The following ZDHHC21 variants were observed in gnomAD, a reference collection of about 807,000 sequenced individuals.
ZDHHC21 encodes palmitoyltransferase ZDHHC21.
In ZDHHC21, 15 loss-of-function variants were observed where a neutral mutation model predicts 34.6. The ratio of observed to expected loss-of-function variants is 0.43; its 90% CI spans 0.29 to 0.67. ZDHHC21 has a LOEUF of 0.67. Ranked by LOEUF, ZDHHC21 falls within the 30% of genes least tolerant of loss-of-function variation. The probability of loss-of-function intolerance (pLI) is 0.14; values close to 1 mark genes in which losing one functional copy is unlikely to be tolerated. For synonymous variants in ZDHHC21, 142 were observed against 101.8 expected, an observed-to-expected ratio of 1.40 and a Z score of -2.38; for missense variants, 344 against 327.7, an observed-to-expected ratio of 1.05 and a Z score of -0.38.
chr9:14,677,357 G>C (rs924464078), intron 3 of ZDHHC21: 1 of 151,962 alleles, frequency 6.6e-6, no homozygotes, highest in African/African-American at 2.4e-5. Flanking sequence ...ACACAAAACA[G>C]TGATCTTCCA....
At position 14,615,607 on chromosome 9, in the gene ZDHHC21, A is replaced by G. The variant is rs573626768; in HGVS notation, c.*3359T>C. ...TTTTAAACTGTAAGTCTGGGTTACA[A>G]AGTACCAACTGCTCTGTAACTGAAT... is the stretch of plus-strand genomic sequence containing the variant. On this transcript the variant is annotated 3_prime_UTR_variant, in exon 10 of 10. Coordinates refer to ENST00000380916, the MANE Select transcript of ZDHHC21 (RefSeq NM_178566.6). 1 of 151,826 alleles carries G rather than the reference A, an allele frequency of 6.6e-6. No homozygotes were observed. Among genetic ancestry groups the G allele is most frequent in the East Asian group, 1.9e-4 (1 of 5,162 alleles). 9.4% of individuals were successfully genotyped at this position (151,826 alleles called of 1,614,324 possible).
chr9:14,673,231 T>C (rs760281200), intron 4 of ZDHHC21, among the ~76,000 whole-genome samples: 1 of 151,920 alleles, frequency 6.6e-6, no homozygotes, highest in Non-Finnish European at 1.5e-5. Flanking sequence ...CATAAATGAA[T>C]AGGCTCCCGT....
At chr9:14,665,871 C>T (rs1367800683) in intron 5 of ZDHHC21, among the ~76,000 whole-genome samples, 1 of 150,312 alleles carries the variant, frequency 6.7e-6, no homozygotes, top group South Asian at 2.2e-4. Flanking sequence ...AAAGGAACAA[C>T]GGGTACCAGC....
At chr9:14,598,938 A>G in the ZDHHC21 span, among the ~76,000 whole-genome samples, 2 of 151,414 alleles carry the variant, frequency 1.3e-5, no homozygotes, top group East Asian at 3.9e-4. Context: ...TTTTTTTGTT[A>G]TTTTTGTAGA....
At chr9:14,628,725 G>A (rs997342996) in intron 8 of ZDHHC21, among the ~76,000 whole-genome samples, 4 of 152,108 alleles carry the variant, frequency 2.6e-5, no homozygotes, top group African/African-American at 9.7e-5. Flanking sequence ...AACATGTGCA[G>A]ATGTATAATT....
intron 5 of ZDHHC21, among the ~76,000 whole-genome samples, chr9:14,672,035 GAA>G (rs1835553282): frequency 6.6e-6 from 1 of 152,012 alleles, no homozygotes; most frequent in African/African-American, 2.4e-5. Context: ...CTTCTCATGG[GAA>G]AATGGAACAT....
At chr9:14,633,311 C>T (rs938985858) in intron 8 of ZDHHC21, among the ~76,000 whole-genome samples, 1 of 152,136 alleles carries the variant, frequency 6.6e-6, no homozygotes, top group East Asian at 1.9e-4. Flanking sequence ...TGGCTGGGGA[C>T]ATGGAGAGGC....
intron 8 of ZDHHC21, among the ~76,000 whole-genome samples, chr9:14,629,118 C>T (rs1299523234): frequency 6.6e-6 from 1 of 152,182 alleles, no homozygotes; most frequent in Admixed American, 6.5e-5. Flanking sequence ...CTCTTGCTTT[C>T]TCTTTCTTAA....
At chr9:14,690,932 G>C (rs1211285994) in intron 1 of ZDHHC21, among the ~76,000 whole-genome samples, 4 of 152,092 alleles carry the variant, frequency 2.6e-5, no homozygotes, top group African/African-American at 9.7e-5. Flanking sequence ...CATGTGAAAA[G>C]TTGAATCTGA....
intron 7 of ZDHHC21, among the ~76,000 whole-genome samples, chr9:14,653,832 G>T (rs546192789): frequency 1.3e-5 from 2 of 151,936 alleles, no homozygotes; most frequent in Non-Finnish European, 2.9e-5. Flanking sequence ...TGACACCTAT[G>T]AGGAAACAGT....
At chr9:14,672,389 T>C (rs1835624052) in intron 5 of ZDHHC21, among the ~76,000 whole-genome samples, 1 of 152,108 alleles carries the variant, frequency 6.6e-6, no homozygotes, top group Non-Finnish European at 1.5e-5. Context: ...AAGTACATTA[T>C]GACTTAAGTT....
At chr9:14,673,620 A>G (rs1423732053) in intron 4 of ZDHHC21, among the ~76,000 whole-genome samples, 1 of 151,812 alleles carries the variant, frequency 6.6e-6, no homozygotes, top group Non-Finnish European at 1.5e-5. Flanking sequence ...TTTATCATAT[A>G]TATATAAAAT....
intron 7 of ZDHHC21, 99 bp from the exon 8 acceptor site, chr9:14,640,111 A>G (rs1189602154): frequency 1.7e-6 from 1 of 592,032 alleles, no homozygotes; most frequent in Non-Finnish European, 3.0e-6. Flanking sequence ...CATCTTCCTT[A>G]TTATCTTAAA....
rs1015809640 is a variant in ZDHHC21, at chr9:14,655,685, G to C, written c.504+3064C>G. ...TGGGGAAACTATAAAAAGAGTAAAA[G>C]AAAAAGCCATTAGAAATAGAAAATT... is the stretch of plus-strand genomic sequence containing the variant. On this transcript the variant is annotated intron_variant, in intron 7 of 9. Coordinates refer to ENST00000380916, the MANE Select transcript of ZDHHC21 (RefSeq NM_178566.6). Among the ~76,000 whole-genome samples the C allele has an allele frequency of 3.3e-5, 5 of 151,014 alleles. No homozygotes were observed. The East Asian group carries it at 7.8e-4, about 23-fold the overall frequency.
chr9:14,661,756 A>C lies in ZDHHC21; in HGVS notation c.365+459T>G, dbSNP rs150830799. 2.0e-3 allele frequency among the ~76,000 whole-genome samples: 298 copies of C among 152,320 alleles called. 2 individuals carry two copies. The highest frequency in any genetic ancestry group is 6.8e-3 in the African/African-American group (281 of 41,572). On this transcript the variant is annotated intron_variant, in intron 6 of 9. Coordinates refer to ENST00000380916, the MANE Select transcript of ZDHHC21 (RefSeq NM_178566.6). ...TGGTAGTAGCTATATCCAATACATA[A>C]TGCTTAAAAAGCTTTAAGGGGTAAG...
At chr9:14,645,878 A>G (rs1830201871) in intron 7 of ZDHHC21, among the ~76,000 whole-genome samples, 1 of 152,164 alleles carries the variant, frequency 6.6e-6, no homozygotes, top group Non-Finnish European at 1.5e-5. Flanking sequence ...CTGCTCATAC[A>G]TACCAAATGG....
intron 3 of ZDHHC21, among the ~76,000 whole-genome samples, chr9:14,678,017 G>C (rs928832983): frequency 1.3e-5 from 2 of 152,034 alleles, no homozygotes; most frequent in African/African-American, 4.8e-5. Flanking sequence ...CTTAGCCTAA[G>C]CGGTCCTGTT....
chr9:14,671,018 T>C (rs1010293117), intron 5 of ZDHHC21, among the ~76,000 whole-genome samples: 1 of 151,926 alleles, frequency 6.6e-6, no homozygotes, highest in South Asian at 2.1e-4. Context: ...AAAAAGACTA[T>C]GAGAAAAAGA....
Position 14,632,892 on chromosome 9 carries a change from G to A in ZDHHC21, c.621+7004C>T, listed in dbSNP as rs372725276. ...ATTAAAACTATGATGAGGTATTACC[G>A]TTTTTTAAAAGACAGGTAATAACAA... On this transcript the variant is annotated intron_variant, in intron 8 of 9. Coordinates refer to ENST00000380916, the MANE Select transcript of ZDHHC21 (RefSeq NM_178566.6). 4.3e-4 allele frequency among the ~76,000 whole-genome samples: 65 copies of A among 152,196 alleles called. No individual in the cohort carries two copies. In the East Asian group the frequency reaches 7.3e-3, roughly 17 times the overall value.
Sources: allele counts gnomAD v4.1 joint callset (sites outside exome capture counted in the v4.1 genomes callset), GRCh38; gene constraint gnomAD v4.1.1; transcripts MANE v1.5; gene names NCBI Gene and HGNC (gene_info 2026-07-23, HGNC 2026-07-21).